OSBPL5: variants seen among roughly 807,000 people sequenced by gnomAD.
OSBPL5 encodes oxysterol binding protein like 5.
Under a neutral mutation model 111.2 loss-of-function variants are expected in OSBPL5, and 71 were observed. The ratio of observed to expected loss-of-function variants is 0.64; its 90% confidence interval spans 0.53 to 0.78. The LOEUF is 0.78. Ranked by LOEUF, OSBPL5 falls within the 30% of genes least tolerant of loss-of-function variation. The pLI is 0.00. For synonymous variants in OSBPL5, 549 were observed against 513.9 expected, an observed-to-expected ratio of 1.07 and a Z score of -0.93; for missense variants, 1,210 against 1,189.3, an observed-to-expected ratio of 1.02 and a Z score of -0.26.
chr11:3,131,870 C>CTCCT (rs1564850363), intron 1 of OSBPL5, among the ~76,000 whole-genome samples: 31 of 133,810 alleles, frequency 2.3e-4, no homozygotes, highest in East Asian at 6.7e-4. Context: ...TCCATCCATC[C>CTCCT]ATCCATCCAC....
At position 3,122,404 on chromosome 11, in the gene OSBPL5, A is replaced by T; in HGVS notation, c.244T>A (p.Ser82Thr). 1.2e-6 allele frequency: 2 copies of T among 1,613,520 alleles called. No individual in the cohort carries two copies. The highest frequency in any genetic ancestry group is 1.7e-6 in the Non-Finnish European group (2 of 1,179,920). ...PPAEYRLCNG[S>T]DKECVSPTAR... ...GTGGGGGACACACATTCCTTGTCTG[A>T]CCCGTTGCACAGCCTGTACTCTGCC... The change falls in exon 4 of 22, where the codon TCA (serine) becomes ACA (threonine). Residue 82 changes from serine (S) to threonine (T), a missense_variant. By Grantham distance (58) the Ser-to-Thr change is moderately conservative (BLOSUM62 1). Coordinates refer to ENST00000263650, the MANE Select transcript of OSBPL5 (RefSeq NM_020896.4).
At chr11:3,156,993 A>T (rs1846782760) in intron 1 of OSBPL5, among the ~76,000 whole-genome samples, 2 of 152,234 alleles carry the variant, frequency 1.3e-5, no homozygotes, top group South Asian at 4.1e-4. Context: ...CACCCCGTCC[A>T]CAAGGTCAGA....
rs537183567 is a variant in OSBPL5 at position 3,109,948 on chromosome 11, CAG to C, written c.692-2005_692-2004del. Among the ~76,000 whole-genome samples, 164 of 152,330 alleles carry C rather than the reference CAG, an allele frequency of 1.1e-3. 1 individual carries two copies. The highest frequency in any genetic ancestry group is 3.8e-3 in the African/African-American group (158 of 41,562). Reference sequence around the variant, plus strand: ...TCCCGAATGGTGGCCCACACCCTATCAGGGGCTCAGCTCACACCTCAGCCCAA... The same window carrying C: ...TCCCGAATGGTGGCCCACACCCTATCGGGCTCAGCTCACACCTCAGCCCAA... On this transcript the variant is annotated intron_variant, in intron 7 of 21. Transcript: ENST00000263650. This position sits in a 1 kb window ranked among gnomAD's most constrained non-coding sequence, Gnocchi z 7.4.
intron 1 of OSBPL5, among the ~76,000 whole-genome samples, chr11:3,137,683 C>A (rs116910952): frequency 6.6e-6 from 1 of 152,220 alleles, no homozygotes; most frequent in Admixed American, 6.5e-5. Context: ...GTGGCACATG[C>A]CTGTGGTCCC....
At chr11:3,111,966 T>TGCATATGTGTGC (rs1233674337) in intron 7 of OSBPL5, among the ~76,000 whole-genome samples, 3 of 121,862 alleles carry the variant, frequency 2.5e-5, no homozygotes, top group Non-Finnish European at 5.8e-5. Context: ...TGTGTGTGTG[T>TGCATATGTGTGC]GTGCATATGT....
In OSBPL5 at chr11:3,093,800, G is replaced by A; in HGVS notation, c.1755C>T (p.Ile585=). The part of the protein sequence containing the change: ...FFGGSTSINQ[I]SGKITSGEEV... Reference sequence around the variant, plus strand: ...CCTCTCCCGACGTGATCTTTCCCGAGATCTGGTTGATGCTGGTGCTACCCC... The same window carrying A: ...CCTCTCCCGACGTGATCTTTCCCGAAATCTGGTTGATGCTGGTGCTACCCC... The change falls in exon 16 of 22, where the codon ATC becomes ATT. Residue 585 remains isoleucine, a synonymous_variant. Coordinates refer to ENST00000263650, the MANE Select transcript of OSBPL5 (RefSeq NM_020896.4). 1 of 1,613,022 alleles carries A rather than the reference G, an allele frequency of 6.2e-7. No individual in the cohort carries two copies. Among genetic ancestry groups the A allele is most frequent in the East Asian group, 2.2e-5 (1 of 44,858 alleles).
chr11:3,139,860 G>C (rs894374317), intron 1 of OSBPL5, among the ~76,000 whole-genome samples: 3 of 152,228 alleles, frequency 2.0e-5, no homozygotes, highest in African/African-American at 7.2e-5. Context: ...AGCTCCTAGG[G>C]TGCGTTTACT....
At chr11:3,099,029 T>A (rs1261111191) in intron 14 of OSBPL5, among the ~76,000 whole-genome samples, 2 of 152,070 alleles carry the variant, frequency 1.3e-5, no homozygotes, top group Non-Finnish European at 2.9e-5. Flanking sequence ...TCTTGAACTC[T>A]TGGGCTCAAG....
intron 1 of OSBPL5, among the ~76,000 whole-genome samples, chr11:3,136,098 G>A (rs1032378120): frequency 1.3e-5 from 2 of 152,230 alleles, no homozygotes; most frequent in Non-Finnish European, 2.9e-5. Context: ...GGCCAGCCCT[G>A]TGTCCCTGAG....
chr11:3,114,591 A>ACTTTTTTTTTTTTT lies in OSBPL5; in HGVS notation c.691+4955_691+4956insAAAAAAAAAAAAAG, dbSNP rs774192603. Among the ~76,000 whole-genome samples, 16 of 113,904 alleles carry ACTTTTTTTTTTTTT rather than the reference A, an allele frequency of 1.4e-4. 6 individuals are homozygous for ACTTTTTTTTTTTTT. Among genetic ancestry groups the ACTTTTTTTTTTTTT allele is most frequent in the African/African-American group, 2.1e-4 (6 of 28,412 alleles). The allele number at this position is 113,904 out of a possible 152,430, so 74.7% of individuals were successfully genotyped here. ...GACTAAAGAATTGGTTAGAACAATG[A>ACTTTTTTTTTTTTT]TTTTTTTTTTTTTTTTTTTTTTTTT... is the stretch of plus-strand genomic sequence containing the variant. On this transcript the variant is annotated intron_variant, in intron 7 of 21. Coordinates refer to ENST00000263650, the MANE Select transcript of OSBPL5 (RefSeq NM_020896.4).
Position 3,140,749 on chromosome 11 carries a change from A to G in OSBPL5, c.-21-11580T>C, listed in dbSNP as rs1486972180. 1.3e-5 allele frequency among the ~76,000 whole-genome samples: 2 copies of G among 152,086 alleles called. No homozygotes were observed. The highest frequency in any genetic ancestry group is 2.9e-5 in the Non-Finnish European group (2 of 67,996). On this transcript the variant is annotated intron_variant, in intron 1 of 21. Coordinates refer to ENST00000263650, the MANE Select transcript of OSBPL5 (RefSeq NM_020896.4). The surrounding 1 kb of genome is among the most constrained non-coding windows in gnomAD (Gnocchi z 4.5). ...ACCTGCTGCCCACACGTCCCATCCT[A>G]GTCCTCCTTGGGGTATGTGGGTACC...
Position 3,090,561 on chromosome 11 carries a change from G to C in OSBPL5, c.2395C>G (p.Pro799Ala), listed in dbSNP as rs959253772. The change falls in exon 20 of 22, where the codon CCT (proline) becomes GCT (alanine). Residue 799 changes from proline (P) to alanine (A), a missense_variant. Physicochemically the swap from Pro to Ala is conservative, Grantham distance 27. Coordinates refer to ENST00000263650, the MANE Select transcript of OSBPL5 (RefSeq NM_020896.4). ...GGCTGGGCCCAAGGGGGCTCACCAGGGACAAAGTCACCATCCTGCTCCTCG... is the reference window on the plus strand; with the variant it reads ...GGCTGGGCCCAAGGGGGCTCACCAGCGACAAAGTCACCATCCTGCTCCTCG... ...SDEEQDGDFV[P>A]GGESPCPRCR... 1.9e-6 allele frequency: 3 copies of C among 1,612,518 alleles called. No homozygotes were observed. The African/African-American group carries it at 4.0e-5, about 21-fold the overall frequency.
rs1448124913 is a variant in OSBPL5 at position 3,121,235 on chromosome 11, T to G, written c.403-611A>C. On this transcript the variant is annotated intron_variant, in intron 5 of 21. Transcript: ENST00000263650. This position sits in a 1 kb window ranked among gnomAD's most constrained non-coding sequence, Gnocchi z 4.3. Reference sequence around the variant, plus strand: ...ACCATGCCTGGCTAATTTCTGTATTTTTAGTAGAGACGGGGTTTTGCCATT... The same window carrying G: ...ACCATGCCTGGCTAATTTCTGTATTGTTAGTAGAGACGGGGTTTTGCCATT... Among the ~76,000 whole-genome samples the G allele has an allele frequency of 6.6e-6, 1 of 151,974 alleles. No individual in the cohort carries two copies. The highest frequency in any genetic ancestry group is 1.5e-5 in the Non-Finnish European group (1 of 67,990).
At chr11:3,150,917 G>A (rs919792377) in intron 1 of OSBPL5, among the ~76,000 whole-genome samples, 1 of 152,176 alleles carries the variant, frequency 6.6e-6, no homozygotes. Context: ...ACGGCGGGCT[G>A]CCCGCTGTGG....
Position 3,104,041 on chromosome 11 carries a change from C to A in OSBPL5, c.1244+152G>T, listed in dbSNP as rs1857611216. The A allele has an allele frequency of 1.0e-6, 1 of 1,002,618 alleles. No homozygotes were observed. Among genetic ancestry groups the A allele is most frequent in the East Asian group, 2.6e-5 (1 of 37,972 alleles). 62.1% of individuals were successfully genotyped at this position (1,002,618 alleles called of 1,614,324 possible). A position where few individuals can be genotyped will look rare whatever the true frequency, so the allele number is the denominator to read the frequency against. On this transcript the variant is annotated intron_variant, in intron 10 of 21. Transcript: ENST00000263650. This position sits in a 1 kb window ranked among gnomAD's most constrained non-coding sequence, Gnocchi z 5.0. ...CAGGCCCATCTTGGAGACAGGGCCC[C>A]CTGGGAGGCTACAGCTGCAGAAACA...
intron 1 of OSBPL5, among the ~76,000 whole-genome samples, chr11:3,151,159 C>T (rs1846572734): frequency 6.6e-6 from 1 of 152,150 alleles, no homozygotes; most frequent in Admixed American, 6.5e-5. Flanking sequence ...CCAAGGAACA[C>T]CTGGAGCCCC....
At position 3,110,811 on chromosome 11, in the gene OSBPL5, C is replaced by T. The variant is rs1481102485; in HGVS notation, c.692-2866G>A. Among the ~76,000 whole-genome samples, 1 of 152,164 alleles carries T rather than the reference C, an allele frequency of 6.6e-6. No individual in the cohort carries two copies. The highest frequency in any genetic ancestry group is 2.4e-5 in the African/African-American group (1 of 41,428). On this transcript the variant is annotated intron_variant, in intron 7 of 21. Coordinates refer to ENST00000263650, the MANE Select transcript of OSBPL5 (RefSeq NM_020896.4). This position sits in a 1 kb window ranked among gnomAD's most constrained non-coding sequence, Gnocchi z 5.3. ...CTTGAAGTTGTCCCGCCTTTCCAGA[C>T]CAAACCAATGTTCATCTTACATATG...
rs774946959 is a variant in OSBPL5 at position 3,090,661 on chromosome 11, G to C, written c.2295C>G (p.Ser765Arg). 3.1e-6 allele frequency: 5 copies of C among 1,611,928 alleles called. No individual in the cohort carries two copies. The highest frequency in any genetic ancestry group is 4.2e-6 in the Non-Finnish European group (5 of 1,179,780). Reference sequence around the variant, plus strand: ...CCTGGCTGTGGCCGGAGGGCTGGTCGCTGGCCTTGCGAAGCCGCTGGTCTG... The same window carrying C: ...CCTGGCTGTGGCCGGAGGGCTGGTCCCTGGCCTTGCGAAGCCGCTGGTCTG... ...SGPDQRLRKA[S>R]DQPSGHSQAT... is the part of the protein sequence containing the mutation. Residue 765 changes from serine to arginine, a missense_variant, in exon 20 of 22, where the codon AGC becomes AGG. By Grantham distance (110) the Ser-to-Arg change is moderately radical (BLOSUM62 -1). Transcript: ENST00000263650.
chr11:3,102,362 G>C, intron 11 of OSBPL5, 81 bp from the exon 12 acceptor site: 1 of 1,333,742 alleles, frequency 7.5e-7, no homozygotes, highest in Non-Finnish European at 1.1e-6. Context: ...TGTGGACGGA[G>C]GGGCAGCGTG....
Sources: gnomAD v4.1 joint callset for allele counts (sites outside exome capture counted in the v4.1 genomes callset) on GRCh38, gnomAD v4.1.1 for gene constraint, Gnocchi (gnomAD v3.1) non-coding constraint, MANE v1.5 for transcripts, NCBI Gene and HGNC (gene_info 2026-07-23, HGNC 2026-07-21) for gene names.